SPAG16: variants seen among roughly 807,000 people sequenced by gnomAD.
SPAG16 encodes sperm associated antigen 16, also known as sperm-associated antigen 16 protein.
In SPAG16, 86 loss-of-function variants were observed where a neutral mutation model predicts 80.4. The ratio of observed to expected loss-of-function variants is 1.07; its 90% CI spans 0.90 to 1.28. SPAG16 has a LOEUF of 1.28. Ranked by LOEUF, SPAG16 falls within the 50% of genes most tolerant of loss-of-function variation. The pLI, the probability that SPAG16 is intolerant of heterozygous loss-of-function variation, is 0.00. For missense variants in SPAG16, 870 were observed against 765.3 expected, an observed-to-expected ratio of 1.14 and a Z score of -1.61; for synonymous variants, 294 against 265.9, an observed-to-expected ratio of 1.11 and a Z score of -1.03.
intron 10 of SPAG16, among the ~76,000 whole-genome samples, chr2:213,572,593 G>T (rs1384921989): frequency 6.6e-6 from 1 of 152,166 alleles, no homozygotes; most frequent in Non-Finnish European, 1.5e-5. Flanking sequence ...CAGTCGGCGG[G>T]TTCTCAGATC....
chr2:213,324,681 TTAAAGA>T (rs1464368766), intron 5 of SPAG16, among the ~76,000 whole-genome samples: 1 of 152,182 alleles, frequency 6.6e-6, no homozygotes, highest in Non-Finnish European at 1.5e-5. Flanking sequence ...CAGTTGGTTA[TTAAAGA>T]TAAAACTGCT....
chr2:213,585,281 A>AC (rs2060431058), intron 10 of SPAG16, among the ~76,000 whole-genome samples: 1 of 144,760 alleles, frequency 6.9e-6, no homozygotes, highest in Non-Finnish European at 1.5e-5. Flanking sequence ...ATGATGAAAG[A>AC]TTTTTTTTTT....
intron 15 of SPAG16, among the ~76,000 whole-genome samples, chr2:214,215,519 C>T (rs2058409731): frequency 6.6e-6 from 1 of 152,144 alleles, no homozygotes; most frequent in Non-Finnish European, 1.5e-5. Flanking sequence ...TTTCCCCAGC[C>T]TTCTAGGAAG....
At chr2:213,554,780 A>C (rs908324739) in intron 10 of SPAG16, among the ~76,000 whole-genome samples, 12 of 151,962 alleles carry the variant, frequency 7.9e-5, no homozygotes, top group Non-Finnish European at 1.6e-4. Context: ...AAGACAGGCT[A>C]TTTTAAAACA....
intron 12 of SPAG16, among the ~76,000 whole-genome samples, chr2:213,997,598 AT>A (rs1294778808): frequency 6.6e-6 from 1 of 152,192 alleles, no homozygotes; most frequent in African/African-American, 2.4e-5. Context: ...AGTGAATTAT[AT>A]CCTCATTCAA....
At chr2:213,429,146 A>T (rs1280373630) in intron 9 of SPAG16, among the ~76,000 whole-genome samples, 3 of 151,440 alleles carry the variant, frequency 2.0e-5, no homozygotes, top group Non-Finnish European at 4.4e-5. Flanking sequence ...GTTTGCCTAG[A>T]TTAAGGACTG....
Position 214,284,513 on chromosome 2 carries a change from G to A in SPAG16, c.1721-125627G>A, listed in dbSNP as rs1052687519. 2.6e-5 allele frequency among the ~76,000 whole-genome samples: 4 copies of A among 152,144 alleles called. No individual in the cohort carries two copies. The South Asian group carries it at 6.2e-4, about 24-fold the overall frequency. ...CTGTCTCATGTTTCTCTAGCTCCAC[G>A]CACCTATCAAAGAACTACAGGTAGG... On this transcript the variant is annotated intron_variant, in intron 15 of 15. Coordinates refer to ENST00000331683, the MANE Select transcript of SPAG16 (RefSeq NM_024532.5).
At chr2:213,437,510 A>G (rs13006572) in intron 9 of SPAG16, among the ~76,000 whole-genome samples, 32,185 of 152,110 alleles carry the variant, frequency 0.21, 4,224 homozygotes, top group Middle Eastern at 0.35. Flanking sequence ...TTTTGCCTCT[A>G]AATTTTGTAA....
At chr2:213,438,343 G>T (rs1239004675) in intron 9 of SPAG16, among the ~76,000 whole-genome samples, 1 of 152,194 alleles carries the variant, frequency 6.6e-6, no homozygotes, top group Non-Finnish European at 1.5e-5. Context: ...TATTCTGATA[G>T]GCCATGCCTG....
intron 13 of SPAG16, among the ~76,000 whole-genome samples, chr2:214,068,755 C>A (rs1576054918): frequency 6.6e-6 from 1 of 152,030 alleles, no homozygotes; most frequent in East Asian, 1.9e-4. Context: ...TAAAAATTAG[C>A]TCCCAGACTA....
chr2:213,743,996 A>G (rs1292742722), intron 10 of SPAG16, among the ~76,000 whole-genome samples: 1 of 151,862 alleles, frequency 6.6e-6, no homozygotes, highest in Non-Finnish European at 1.5e-5. Flanking sequence ...GCTTAGTTAT[A>G]TTTTAGTGTG....
At chr2:213,879,195 T>C (rs1327106334) in intron 11 of SPAG16, among the ~76,000 whole-genome samples, 1 of 152,038 alleles carries the variant, frequency 6.6e-6, no homozygotes, top group Non-Finnish European at 1.5e-5. Flanking sequence ...AAAATGACAT[T>C]GGTATTTTGA....
intron 15 of SPAG16, among the ~76,000 whole-genome samples, chr2:214,390,433 C>A (rs1701010869): frequency 6.6e-6 from 1 of 150,446 alleles, no homozygotes; most frequent in East Asian, 1.9e-4. Context: ...TAAAATTAAA[C>A]TTGGCTTCCT....
chr2:213,424,338 A>G (rs769485457), intron 9 of SPAG16, among the ~76,000 whole-genome samples: 16 of 152,226 alleles, frequency 1.1e-4, no homozygotes, highest in Non-Finnish European at 2.2e-4. Flanking sequence ...TATGTGCAAG[A>G]ATATGTCTTT....
chr2:213,353,976 G>T (rs1436078340), intron 7 of SPAG16, among the ~76,000 whole-genome samples: 2 of 152,212 alleles, frequency 1.3e-5, no homozygotes, highest in East Asian at 1.9e-4. Flanking sequence ...GTGCCATGTT[G>T]GTTTGCTACA....
intron 10 of SPAG16, among the ~76,000 whole-genome samples, chr2:213,674,142 C>T (rs919989162): frequency 8.6e-5 from 13 of 151,970 alleles, no homozygotes; most frequent in Admixed American, 7.9e-4. Context: ...TGGAGACCGA[C>T]CTGCTGAAGT....
intron 15 of SPAG16, among the ~76,000 whole-genome samples, chr2:214,385,059 C>T (rs1700670166): frequency 1.3e-5 from 2 of 152,216 alleles, no homozygotes; most frequent in Non-Finnish European, 2.9e-5. Context: ...GTGCTTAGTC[C>T]TGTCATAACA....
chr2:214,134,288 A>T (rs1033097599), intron 14 of SPAG16, among the ~76,000 whole-genome samples: 2 of 152,094 alleles, frequency 1.3e-5, no homozygotes, highest in African/African-American at 4.8e-5. Flanking sequence ...CTCTTCCTGA[A>T]TCACTCTTCA....
In SPAG16 at chr2:214,347,411, A is replaced by C. The variant is rs150563380; in HGVS notation, c.1721-62729A>C. Among the ~76,000 whole-genome samples, 183 of 152,200 alleles carry C rather than the reference A, an allele frequency of 1.2e-3. 1 individual carries two copies. The highest frequency in any genetic ancestry group is 6.8e-3 in the Middle Eastern group (2 of 294). On this transcript the variant is annotated intron_variant, in intron 15 of 15. Coordinates refer to ENST00000331683, the MANE Select transcript of SPAG16 (RefSeq NM_024532.5). The stretch of plus-strand genomic sequence containing the variant: ...CTCAAGGTAGTCTTATATCCCACAA[A>C]ATATCCATAAAATAAAATATAGCTG...
Sources: gnomAD v4.1 joint callset for allele counts (sites outside exome capture counted in the v4.1 genomes callset) on GRCh38, gnomAD v4.1.1 for gene constraint, MANE v1.5 for transcripts, NCBI Gene and HGNC (gene_info 2026-07-23, HGNC 2026-07-21) for gene names.